OR6C2: variants seen among roughly 807,000 people sequenced by gnomAD.
OR6C2 encodes olfactory receptor 6C2.
For synonymous variants in OR6C2, 146 were observed against 134.2 expected (o/e 1.09, Z -0.61); for missense variants, 435 against 365.8 (o/e 1.19, Z -1.54).
Position 55,453,116 on chromosome 12 carries a change from C to G in OR6C2, c.903C>G (p.Asp301Glu). The G allele has an allele frequency of 2.5e-6, 4 of 1,612,984 alleles. No individual in the cohort carries two copies. Among genetic ancestry groups the G allele is most frequent in the Non-Finnish European group, 2.5e-6 (3 of 1,179,418 alleles). The change falls in exon 2 of 2, where the codon GAC (aspartate) becomes GAG (glutamate). Residue 301 changes from aspartate (D) to glutamate (E), a missense_variant. Transcript: ENST00000641202. ...AGCAAGTGAAACAAGCTTTCAGTGA[C>G]TCTATAAAGAGGATTGCATTTCTCT... Reference protein sequence around the residue: ...RNKQVKQAFSDSIKRIAFLSK... With the variant: ...RNKQVKQAFSESIKRIAFLSK...
intron 1 of OR6C2, among the ~76,000 whole-genome samples, chr12:55,445,255 G>T (rs1419216559): frequency 1.3e-5 from 2 of 152,068 alleles, no homozygotes; most frequent in African/African-American, 4.8e-5. Context: ...TTTGTATTAG[G>T]CTTTCTGCAT....
intron 1 of OR6C2, among the ~76,000 whole-genome samples, 184 bp from the exon 2 acceptor site, chr12:55,451,143 T>C (rs1592298368): frequency 6.6e-6 from 1 of 152,174 alleles, no homozygotes; most frequent in South Asian, 2.1e-4. Flanking sequence ...GTCCATCCCC[T>C]CAAGCATTTA....
chr12:55,444,111 G>A lies in OR6C2; in HGVS notation c.-936G>A, dbSNP rs1308149111. 1 of 152,128 alleles carries A rather than the reference G, an allele frequency of 6.6e-6. No individual in the cohort carries two copies. The highest frequency in any genetic ancestry group is 1.5e-5 in the Non-Finnish European group (1 of 68,000). The allele number at this position is 152,128 out of a possible 1,614,324, so 9.4% of individuals were successfully genotyped here. A position where few individuals can be genotyped will look rare whatever the true frequency, so the allele number is the denominator to read the frequency against. ...ACAACACAGTTCAACCCATTAGGGA[G>A]CTGCCACCTGAAATCGTGAAAAATT... On this transcript the variant is annotated 5_prime_UTR_variant, in exon 1 of 2. Coordinates refer to ENST00000641202, the MANE Select transcript of OR6C2 (RefSeq NM_054105.2).
intron 1 of OR6C2, among the ~76,000 whole-genome samples, chr12:55,445,881 G>C (rs1336596870): frequency 6.6e-6 from 1 of 152,162 alleles, no homozygotes; most frequent in Non-Finnish European, 1.5e-5. Flanking sequence ...GAAACTCTTG[G>C]TAATTATACC....
chr12:55,452,509 T>C lies in OR6C2; in HGVS notation c.296T>C (p.Ile99Thr). The C allele has an allele frequency of 6.2e-7, 1 of 1,613,954 alleles. No individual in the cohort carries two copies. Among genetic ancestry groups the C allele is most frequent in the African/African-American group, 1.3e-5 (1 of 75,038 alleles). Residue 99 changes from isoleucine (I) to threonine (T), a missense_variant, in exon 2 of 2, where the codon ATA becomes ACA. By Grantham distance (89) the Ile-to-Thr change is moderately conservative. Coordinates refer to ENST00000641202, the MANE Select transcript of OR6C2 (RefSeq NM_054105.2). Reference protein sequence around the residue: ...TITYNACASQIFFVILFGATE... With the variant: ...TITYNACASQTFFVILFGATE... ...ACCTACAATGCTTGTGCCAGTCAAA[T>C]ATTCTTTGTTATTCTCTTTGGAGCA...
At chr12:55,451,203 TACA>T (rs1366814543) in intron 1 of OR6C2, 121 bp from the exon 2 acceptor site, 1 of 152,034 alleles carries the variant, frequency 6.6e-6, no homozygotes, top group East Asian at 1.9e-4. Flanking sequence ...TTTTAAAATA[TACA>T]ATTAAGTTAT....
intron 1 of OR6C2, among the ~76,000 whole-genome samples, chr12:55,445,129 T>C (rs1871339202): frequency 6.6e-6 from 1 of 152,200 alleles, no homozygotes; most frequent in South Asian, 2.1e-4. Flanking sequence ...AGAGTTTCAC[T>C]AAGAAGTACT....
chr12:55,446,236 A>G (rs1324446771), intron 1 of OR6C2, among the ~76,000 whole-genome samples: 1 of 150,846 alleles, frequency 6.6e-6, no homozygotes, highest in Non-Finnish European at 1.5e-5. Flanking sequence ...CGCAACCTCC[A>G]CCTCCCAGGT....
In OR6C2 at chr12:55,452,256, C is replaced by G. The variant is rs751103344; in HGVS notation, c.43C>G (p.Leu15Val). 6 of 1,609,638 alleles carry G rather than the reference C, an allele frequency of 3.7e-6. No individual in the cohort carries two copies. Among genetic ancestry groups the G allele is most frequent in the Non-Finnish European group, 5.1e-6 (6 of 1,177,770 alleles). The change falls in exon 2 of 2, where the codon CTG (leucine) becomes GTG (valine). Residue 15 changes from leucine to valine, a missense_variant. Coordinates refer to ENST00000641202, the MANE Select transcript of OR6C2 (RefSeq NM_054105.2). Reference sequence around the variant, plus strand: ...AATAAGAACTTTTATCCTGCTGGGACTGACAGGTGACCCACACCTGCAAGT... The same window carrying G: ...AATAAGAACTTTTATCCTGCTGGGAGTGACAGGTGACCCACACCTGCAAGT... ...TVIRTFILLG[L>V]TGDPHLQVLL...
intron 1 of OR6C2, among the ~76,000 whole-genome samples, chr12:55,446,051 A>G (rs1871355015): frequency 6.6e-6 from 1 of 152,226 alleles, no homozygotes; most frequent in Non-Finnish European, 1.5e-5. Context: ...AACCTAGTCA[A>G]ATGCAAGTAT....
At chr12:55,448,288 A>G (rs1592297293) in intron 1 of OR6C2, among the ~76,000 whole-genome samples, 1 of 151,742 alleles carries the variant, frequency 6.6e-6, no homozygotes, top group Admixed American at 6.6e-5. Flanking sequence ...CTCCCATTTC[A>G]TAAGTTGTGT....
At chr12:55,448,914 C>A (rs940471400) in intron 1 of OR6C2, among the ~76,000 whole-genome samples, 4 of 151,842 alleles carry the variant, frequency 2.6e-5, no homozygotes, top group Non-Finnish European at 5.9e-5. Flanking sequence ...GTTCATATTT[C>A]TTTATGCTAA....
At chr12:55,450,723 T>C (rs1871452042) in intron 1 of OR6C2, among the ~76,000 whole-genome samples, 1 of 152,034 alleles carries the variant, frequency 6.6e-6, no homozygotes, top group African/African-American at 2.4e-5. Flanking sequence ...GGTCTGAAGA[T>C]TATTGAGAAT....
chr12:55,447,257 T>C (rs1355429862), intron 1 of OR6C2, among the ~76,000 whole-genome samples: 3 of 151,960 alleles, frequency 2.0e-5, no homozygotes, highest in Admixed American at 6.6e-5. Flanking sequence ...GATAAACATA[T>C]CCATCACTCC....
At position 55,452,054 on chromosome 12, in the gene OR6C2, G is replaced by T; in HGVS notation, c.-160G>T. On this transcript the variant is annotated 5_prime_UTR_variant, in exon 2 of 2. Transcript: ENST00000641202. ...TATGTGAAATTTAGAAAGGTTATTG[G>T]AACACTGGCAACATTGATTATTCTA... 1.9e-6 allele frequency: 1 copy of T among 516,542 alleles called. No homozygotes were observed. Among genetic ancestry groups the T allele is most frequent in the East Asian group, 2.9e-5 (1 of 33,924 alleles). The allele number at this position is 516,542 out of a possible 1,614,324, so 32.0% of individuals were successfully genotyped here.
chr12:55,448,229 G>T (rs1306896474), intron 1 of OR6C2, among the ~76,000 whole-genome samples: 1 of 151,480 alleles, frequency 6.6e-6, no homozygotes, highest in East Asian at 1.9e-4. Flanking sequence ...AATTTTTTAT[G>T]TATTTTGGAG....
At position 55,446,506 on chromosome 12, in the gene OR6C2, C is replaced by T. The variant is rs111591680; in HGVS notation, c.-888+2347C>T. Among the ~76,000 whole-genome samples, 1,168 of 152,246 alleles carry T rather than the reference C, an allele frequency of 7.7e-3. 12 individuals are homozygous for T. The highest frequency in any genetic ancestry group is 0.026 in the African/African-American group (1,096 of 41,554). On this transcript the variant is annotated intron_variant, in intron 1 of 1. Coordinates refer to ENST00000641202, the MANE Select transcript of OR6C2 (RefSeq NM_054105.2). ...TTGTGCATGGCTTGCATCATATTTTCCAACAGCTAGGTGGAAGCATATCCT... is the reference window on the plus strand; with the variant it reads ...TTGTGCATGGCTTGCATCATATTTTTCAACAGCTAGGTGGAAGCATATCCT...
At chr12:55,446,238 C>T (rs1871359562) in intron 1 of OR6C2, among the ~76,000 whole-genome samples, 1 of 152,110 alleles carries the variant, frequency 6.6e-6, no homozygotes, top group South Asian at 2.1e-4. Flanking sequence ...CAACCTCCAC[C>T]TCCCAGGTTC....
rs140925313 is a variant in OR6C2, at chr12:55,450,726, T to A, written c.-887-601T>A. Among the ~76,000 whole-genome samples the A allele has an allele frequency of 1.2e-3, 178 of 152,156 alleles. 1 individual carries two copies. Among genetic ancestry groups the A allele is most frequent in the Non-Finnish European group, 3.8e-4 (26 of 67,958 alleles). On this transcript the variant is annotated intron_variant, in intron 1 of 1. Coordinates refer to ENST00000641202, the MANE Select transcript of OR6C2 (RefSeq NM_054105.2). The stretch of plus-strand genomic sequence containing the variant: ...CAAGAAGCAGGAGGTCTGAAGATTA[T>A]TGAGAATACCAATATTTCACAGATG...
Sources: allele counts gnomAD v4.1 joint callset (sites outside exome capture counted in the v4.1 genomes callset), GRCh38; gene constraint gnomAD v4.1.1; transcripts MANE v1.5; gene names NCBI Gene and HGNC (gene_info 2026-07-23, HGNC 2026-07-21).